HSF4: variants seen among roughly 807,000 people sequenced by gnomAD.
HSF4 encodes the protein heat shock factor protein 4.
A neutral mutation model predicts 52.0 loss-of-function variants in HSF4; 41 were observed. The observed-to-expected ratio is 0.79, with a 90% CI of 0.61 to 1.02. The LOEUF (loss-of-function observed/expected upper bound fraction) is 1.02, where lower values mean the gene tolerates loss of function less well. Ranked by LOEUF, HSF4 falls within the 50% of genes least tolerant of loss-of-function variation. HSF4 has a pLI of 0.00. For synonymous variants in HSF4, 285 were observed against 273.0 expected, an observed-to-expected ratio of 1.04 and a Z score of -0.43; for missense variants, 610 against 651.1, an observed-to-expected ratio of 0.94 and a Z score of 0.69.
chr16:67,169,447 G>C lies in HSF4; in HGVS notation c.1324+99G>C. On this transcript the variant is annotated intron_variant, in intron 12 of 12. Coordinates refer to ENST00000521374, the MANE Select transcript of HSF4 (RefSeq NM_001374675.1). This position sits in a 1 kb window ranked among gnomAD's most constrained non-coding sequence, Gnocchi z 4.3. ...AATCTGCAATTTGCAGGGAAATCCT[G>C]AGTTCAGGCTGCACTGCAGAGCGTT... The C allele has an allele frequency of 6.4e-7, 1 of 1,569,230 alleles. No homozygotes were observed.
At chr16:67,164,961 C>G (rs1221098119) in intron 1 of HSF4, 27 bp downstream of exon 1, 7 of 1,577,948 alleles carry the variant, frequency 4.4e-6, no homozygotes, top group Non-Finnish European at 6.0e-6. Context: ...CTCGATTCCC[C>G]CTGTGGTCCC....
chr16:67,169,657 C>A lies in HSF4; in HGVS notation c.1351C>A (p.Leu451Ile), dbSNP rs764337061. Residue 451 changes from leucine to isoleucine, a missense_variant, in exon 13 of 13, where the codon CTC becomes ATC. Coordinates refer to ENST00000521374, the MANE Select transcript of HSF4 (RefSeq NM_001374675.1). This position sits in a 1 kb window ranked among gnomAD's most constrained non-coding sequence, Gnocchi z 4.3. ...GAAGGACCCCACGCTCGGGGCCCCA[C>A]TCCTGCTGGATGTCCAGGCGGCCTT... ...PGKDPTLGAPLLLDVQAALGG... is the reference protein window; with the variant it reads ...PGKDPTLGAPILLDVQAALGG... The A allele has an allele frequency of 2.5e-5, 40 of 1,610,988 alleles. No homozygotes were observed. Among genetic ancestry groups the A allele is most frequent in the Non-Finnish European group, 3.3e-5 (39 of 1,180,002 alleles).
intron 4 of HSF4, 73 bp from the exon 5 acceptor site, chr16:67,166,247 C>T: frequency 1.4e-6 from 2 of 1,476,418 alleles, no homozygotes; most frequent in East Asian, 2.4e-5. Context: ...GGGTCCCCAG[C>T]CTCGCCATTC....
Position 67,169,469 on chromosome 16 carries a change from C to T in HSF4, c.1324+121C>T, listed in dbSNP as rs2031585400. ...CCTGAGTTCAGGCTGCACTGCAGAG[C>T]GTTCCTTGAGCCACCCATGCCCTCA... is the stretch of plus-strand genomic sequence containing the variant. On this transcript the variant is annotated intron_variant, in intron 12 of 12. Transcript: ENST00000521374. The surrounding 1 kb of genome is among the most constrained non-coding windows in gnomAD (Gnocchi z 4.3). The T allele has an allele frequency of 1.3e-6, 2 of 1,569,364 alleles. No homozygotes were observed. Among genetic ancestry groups the T allele is most frequent in the Admixed American group, 1.9e-5 (1 of 53,664 alleles).
At chr16:67,168,010 G>T in intron 9 of HSF4, 63 bp downstream of exon 9, 1 of 1,327,668 alleles carries the variant, frequency 7.5e-7, no homozygotes, top group Non-Finnish European at 1.0e-6. Flanking sequence ...AGCCCACAAA[G>T]CTTCCTAGCC....
intron 8 of HSF4, 59 bp from the exon 9 acceptor site, chr16:67,167,661 T>A: frequency 6.2e-7 from 1 of 1,612,164 alleles, no homozygotes; most frequent in Non-Finnish European, 8.5e-7. Context: ...CCCAGATGGC[T>A]GTAGGGGTAG....
At chr16:67,168,131 A>G (rs370171931) in intron 9 of HSF4, among the ~76,000 whole-genome samples, 184 bp downstream of exon 9, 25 of 152,338 alleles carry the variant, frequency 1.6e-4, no homozygotes, top group African/African-American at 5.8e-4. Context: ...TTAGGAACCT[A>G]CATATGAAAT....
At chr16:67,163,885 C>T (rs1218693559), upstream of HSF4, 29 of 1,510,590 alleles carry the variant, frequency 1.9e-5, 1 homozygote, top group Non-Finnish European at 2.5e-5. Context: ...GGGGGGGTGT[C>T]CAGGCGCGCC....
At chr16:67,164,346 G>T, upstream of HSF4, 1 of 393,774 alleles carries the variant, frequency 2.5e-6, no homozygotes. Context: ...ACTACGTCCC[G>T]GGGTTCGGCG....
intron 5 of HSF4, 72 bp downstream of exon 5, chr16:67,166,467 C>A (rs1330490820): frequency 6.3e-7 from 1 of 1,592,940 alleles, no homozygotes; most frequent in Non-Finnish European, 8.6e-7. Context: ...AGTCCCCCGG[C>A]GCCCCTGTTA....
chr16:67,165,314 G>T lies in HSF4; in HGVS notation c.124-208G>T. 1.6e-6 allele frequency: 1 copy of T among 610,152 alleles called. No homozygotes were observed. The highest frequency in any genetic ancestry group is 2.9e-6 in the Non-Finnish European group (1 of 344,244). 37.8% of individuals were successfully genotyped at this position (610,152 alleles called of 1,614,324 possible). ...CTGAGTATGGAGTCAGGGTCTGGCT[G>T]GGGGTAGGGACTCACTGTGGTCGCT... On this transcript the variant is annotated intron_variant, in intron 1 of 12. Transcript: ENST00000521374. This position sits in a 1 kb window ranked among gnomAD's most constrained non-coding sequence, Gnocchi z 6.9.
intron 9 of HSF4, among the ~76,000 whole-genome samples, chr16:67,168,277 G>C (rs925160983): frequency 6.6e-6 from 1 of 152,048 alleles, no homozygotes; most frequent in Non-Finnish European, 1.5e-5. Flanking sequence ...TTCAACACCA[G>C]CCTGGCCAAC....
rs1356251434 is a variant in HSF4, at chr16:67,168,942, T to C, written c.1188+6T>C. ...AACCTGCAGGGCCTCTAGATGTGAG[T>C]ACCCCTTCTGCTGAAACAGGGGCAT... On this transcript the variant is annotated splice_donor_region_variant and intron_variant, in intron 10 of 12. Transcript: ENST00000521374. The C allele has an allele frequency of 9.3e-6, 15 of 1,613,446 alleles. No homozygotes were observed. The highest frequency in any genetic ancestry group is 1.6e-4 in the Middle Eastern group (1 of 6,062).
In HSF4 at chr16:67,167,539, T is replaced by C. The variant is rs770062854; in HGVS notation, c.794T>C (p.Ile265Thr). Residue 265 changes from isoleucine to threonine, a missense_variant, in exon 8 of 13, where the codon ATC (isoleucine) becomes ACC (threonine). Physicochemically the swap from Ile to Thr is moderately conservative, Grantham distance 89. Coordinates refer to ENST00000521374, the MANE Select transcript of HSF4 (RefSeq NM_001374675.1). ...HRARGPIISD[I>T]PEDSPSPEGT... ...GCCAGGGGCCCCATCATCTCTGACA[T>C]CCCAGAAGACTCTCCATCCCCTGAG... 1.1e-5 allele frequency: 18 copies of C among 1,613,732 alleles called. No homozygotes were observed. The highest frequency in any genetic ancestry group is 1.4e-5 in the Non-Finnish European group (17 of 1,179,982).
rs1325160025 is a variant in HSF4, at chr16:67,169,904, A to C, written c.*119A>C. 3 of 966,060 alleles carry C rather than the reference A, an allele frequency of 3.1e-6. No homozygotes were observed. The highest frequency in any genetic ancestry group is 3.2e-6 in the Non-Finnish European group (2 of 618,730). The allele number at this position is 966,060 out of a possible 1,614,324, so 59.8% of individuals were successfully genotyped here. On this transcript the variant is annotated 3_prime_UTR_variant, in exon 13 of 13. Transcript: ENST00000521374. The surrounding 1 kb of genome is among the most constrained non-coding windows in gnomAD (Gnocchi z 4.3). ...CACTACTAAATGGCCTCTCTCCACT[A>C]CCCCGACTATCCCTGCACATAAACT... is the stretch of plus-strand genomic sequence containing the variant.
rs1375295874 is a variant in HSF4 at position 67,168,874 on chromosome 16, C to G, written c.1126C>G (p.Leu376Val). Residue 376 changes from leucine to valine, a missense_variant, in exon 10 of 13, where the codon CTG becomes GTG. Physicochemically the swap from Leu to Val is conservative, Grantham distance 32. Transcript: ENST00000521374. The part of the protein sequence containing the change: ...LESGDRSPES[L>V]LPPMLLQPPQ... Reference sequence around the variant, plus strand: ...AAGCGGGGACAGGAGCCCAGAGAGTCTGCTGCCTCCGATGCTGCTTCAGCC... The same window carrying G: ...AAGCGGGGACAGGAGCCCAGAGAGTGTGCTGCCTCCGATGCTGCTTCAGCC... The G allele has an allele frequency of 6.2e-7, 1 of 1,614,040 alleles. No individual in the cohort carries two copies. The highest frequency in any genetic ancestry group is 8.5e-7 in the Non-Finnish European group (1 of 1,180,046).
At chr16:67,164,732 C>G, upstream of HSF4, 1 of 1,467,852 alleles carries the variant, frequency 6.8e-7, no homozygotes, top group Non-Finnish European at 9.0e-7. Flanking sequence ...GCGGAGCGGG[C>G]GGCAAACGCA....
chr16:67,165,814 C>A lies in HSF4; in HGVS notation c.328C>A (p.Arg110Ser). Residue 110 changes from arginine to serine, a missense_variant, in exon 3 of 13, where the codon CGC (arginine) becomes AGC (serine). Physicochemically the swap from Arg to Ser is moderately radical, Grantham distance 110. Transcript: ENST00000521374. The surrounding 1 kb of genome is among the most constrained non-coding windows in gnomAD (Gnocchi z 6.9). ...EFQHPSFVRG[R>S]EQLLERVRRK... Reference sequence around the variant, plus strand: ...CCAGCACCCGAGCTTCGTGCGCGGCCGCGAGCAGCTACTGGAGCGCGTGCG... The same window carrying A: ...CCAGCACCCGAGCTTCGTGCGCGGCAGCGAGCAGCTACTGGAGCGCGTGCG... 1.9e-6 allele frequency: 3 copies of A among 1,607,512 alleles called. No individual in the cohort carries two copies. The highest frequency in any genetic ancestry group is 2.5e-6 in the Non-Finnish European group (3 of 1,179,472).
At position 67,168,747 on chromosome 16, in the gene HSF4, G is replaced by C; in HGVS notation, c.1083-84G>C. 9.1e-6 allele frequency: 9 copies of C among 986,786 alleles called. No homozygotes were observed. The Admixed American group carries it at 1.5e-4, about 17-fold the overall frequency. 61.1% of individuals were successfully genotyped at this position (986,786 alleles called of 1,614,324 possible). On this transcript the variant is annotated intron_variant, in intron 9 of 12. Transcript: ENST00000521374. The stretch of plus-strand genomic sequence containing the variant: ...TCCTATCATTTTCTAAAGATTGGGG[G>C]ATTAAAATCTTGATGCATCTGGGTT...
Sources: allele counts gnomAD v4.1 joint callset (sites outside exome capture counted in the v4.1 genomes callset), GRCh38; gene constraint gnomAD v4.1.1; non-coding constraint Gnocchi (gnomAD v3.1); transcripts MANE v1.5; gene names NCBI Gene and HGNC (gene_info 2026-07-23, HGNC 2026-07-21).